Variants in USP12 observed in about 807,000 individuals in gnomAD.
The protein encoded by USP12 is ubiquitin specific peptidase 12, also known as ubiquitin carboxyl-terminal hydrolase 12.
Under a neutral mutation model 45.5 loss-of-function variants are expected in USP12, and 19 were observed. The ratio of observed to expected loss-of-function variants is 0.42; its 90% confidence interval spans 0.29 to 0.61. The LOEUF is 0.61. Among genes scored for constraint, USP12 ranks in the 20% least tolerant of loss-of-function variants. The pLI, the probability that USP12 is intolerant of heterozygous loss-of-function variation, is 0.22. For missense variants in USP12, 242 were observed against 447.7 expected, an observed-to-expected ratio of 0.54 and a Z score of 4.15; for synonymous variants, 149 against 148.8, an observed-to-expected ratio of 1.00 and a Z score of -0.01.
chr13:27,146,411 C>A (rs1458389751), intron 1 of USP12, among the ~76,000 whole-genome samples: 1 of 152,040 alleles, frequency 6.6e-6, no homozygotes, highest in African/African-American at 2.4e-5. Context: ...CAAAAAAAAG[C>A]ACCTATGTAA....
At chr13:27,103,598 CA>C (rs376135830) in intron 3 of USP12, among the ~76,000 whole-genome samples, 6,953 of 128,716 alleles carry the variant, frequency 0.054, 247 homozygotes, top group Middle Eastern at 0.07. Flanking sequence ...ATTGAACTAT[CA>C]AAAAAAAAAA....
At chr13:27,130,933 G>A (rs567772123) in intron 1 of USP12, among the ~76,000 whole-genome samples, 8 of 152,288 alleles carry the variant, frequency 5.3e-5, no homozygotes, top group South Asian at 2.1e-4. Context: ...AAGCCGTGAC[G>A]CTTAAAAACA....
rs190245732 is a variant in USP12 at position 27,126,901 on chromosome 13, C to A, written c.49-10305G>T. Among the ~76,000 whole-genome samples the A allele has an allele frequency of 2.3e-4, 35 of 152,350 alleles. 1 individual carries two copies. In the South Asian group the frequency reaches 5.2e-3, roughly 23 times the overall value. On this transcript the variant is annotated intron_variant, in intron 1 of 8. Coordinates refer to ENST00000282344, the MANE Select transcript of USP12 (RefSeq NM_182488.4). ...ATGTTCAGAACAATGCCTGGCACAA[C>A]AGGCACAAAGCAAACTTCCTTTGCC...
At chr13:27,167,686 A>G (rs1369792497) in intron 1 of USP12, among the ~76,000 whole-genome samples, 3 of 151,880 alleles carry the variant, frequency 2.0e-5, no homozygotes, top group Non-Finnish European at 4.4e-5. Flanking sequence ...TAATTTACAA[A>G]TAAATATTTT....
At chr13:27,131,308 C>T (rs1225459979) in intron 1 of USP12, among the ~76,000 whole-genome samples, 1 of 152,176 alleles carries the variant, frequency 6.6e-6, no homozygotes, top group Non-Finnish European at 1.5e-5. Flanking sequence ...TCTCAAACCA[C>T]GTGACTCTGG....
intron 3 of USP12, among the ~76,000 whole-genome samples, chr13:27,104,668 GAAT>G (rs1281852669): frequency 3.3e-5 from 5 of 152,126 alleles, no homozygotes; most frequent in African/African-American, 1.2e-4. Flanking sequence ...TCAAATTCAA[GAAT>G]AATAGCCTAT....
intron 1 of USP12, among the ~76,000 whole-genome samples, chr13:27,140,837 C>A (rs1017281466): frequency 6.6e-6 from 1 of 151,884 alleles, no homozygotes; most frequent in Non-Finnish European, 1.5e-5. Flanking sequence ...AGTCAGCTGA[C>A]AATGATTCTC....
intron 3 of USP12, among the ~76,000 whole-genome samples, chr13:27,097,889 C>T (rs960466417): frequency 1.3e-5 from 2 of 151,938 alleles, no homozygotes; most frequent in Non-Finnish European, 2.9e-5. Flanking sequence ...TTTTCATACA[C>T]ATAATGAGAT....
chr13:27,169,783 A>C (rs1878501170), intron 1 of USP12, among the ~76,000 whole-genome samples: 2 of 152,188 alleles, frequency 1.3e-5, no homozygotes, highest in African/African-American at 4.8e-5. Context: ...TCCATGAGCA[A>C]GAATGTAAAC....
chr13:27,072,932 A>G (rs1873312380), intron 7 of USP12, among the ~76,000 whole-genome samples: 2 of 152,224 alleles, frequency 1.3e-5, no homozygotes, highest in African/African-American at 4.8e-5. Context: ...ACACAATGGA[A>G]AAAGATTCTA....
chr13:27,140,008 C>T (rs1876985378), intron 1 of USP12, among the ~76,000 whole-genome samples: 1 of 152,194 alleles, frequency 6.6e-6, no homozygotes, highest in South Asian at 2.1e-4. Flanking sequence ...AAAATTAAAA[C>T]TGCACTCCCT....
intron 6 of USP12, among the ~76,000 whole-genome samples, chr13:27,081,207 C>A (rs1873743623): frequency 6.6e-6 from 1 of 152,118 alleles, no homozygotes; most frequent in African/African-American, 2.4e-5. Context: ...AGCATTTTAT[C>A]CACAGAACTT....
intron 3 of USP12, among the ~76,000 whole-genome samples, chr13:27,096,180 G>A (rs1423526067): frequency 6.6e-6 from 1 of 152,204 alleles, no homozygotes; most frequent in Non-Finnish European, 1.5e-5. Flanking sequence ...CTTTAAAGCA[G>A]AAGTTGGACA....
intron 1 of USP12, among the ~76,000 whole-genome samples, chr13:27,130,312 C>T (rs1565998323): frequency 6.6e-6 from 1 of 152,078 alleles, no homozygotes; most frequent in Non-Finnish European, 1.5e-5. Context: ...GGGATCCAGA[C>T]ATTATACTAA....
chr13:27,115,350 T>G (rs1462530332), intron 2 of USP12, among the ~76,000 whole-genome samples: 1 of 152,116 alleles, frequency 6.6e-6, no homozygotes. Context: ...GGAGTGCTGA[T>G]TCTTTGTTAT....
chr13:27,095,829 C>T lies in USP12; in HGVS notation c.345G>A (p.Glu115=). Residue 115 remains glutamate (E), a splice_region_variant and synonymous_variant, in exon 4 of 9, where the codon GAG becomes GAA. Transcript: ENST00000282344. The part of the protein sequence containing the change: ...KFITRLRKEN[E]LFDNYMQQDA... ...CTTGTTGCATGTAGTTGTCAAAAAG[C>T]TCTGAAAATAAAAACATTATATTAG... 6.3e-7 allele frequency: 1 copy of T among 1,578,284 alleles called. No homozygotes were observed. Among genetic ancestry groups the T allele is most frequent in the Admixed American group, 1.9e-5 (1 of 51,902 alleles).
At chr13:27,087,184 A>G (rs1027800034) in intron 6 of USP12, among the ~76,000 whole-genome samples, 2 of 150,956 alleles carry the variant, frequency 1.3e-5, no homozygotes, top group African/African-American at 4.9e-5. Context: ...GGGGGCAGGA[A>G]GGCAGAGAGA....
At chr13:27,086,195 A>ATATATATATATAT (rs1326329926) in intron 6 of USP12, among the ~76,000 whole-genome samples, 11 of 61,988 alleles carry the variant, frequency 1.8e-4, no homozygotes, top group Admixed American at 4.6e-4. Flanking sequence ...AAAAAAAAAA[A>ATATATATATATAT]AAATATATAT....
intron 2 of USP12, among the ~76,000 whole-genome samples, chr13:27,113,473 A>T (rs141784939): frequency 1.4e-3 from 215 of 152,242 alleles, no homozygotes; most frequent in Middle Eastern, 3.4e-3. Flanking sequence ...ATTTTAGAAC[A>T]TTGTATTTCC....
Sources: gnomAD v4.1 joint callset for allele counts (sites outside exome capture counted in the v4.1 genomes callset) on GRCh38, gnomAD v4.1.1 for gene constraint, MANE v1.5 for transcripts, NCBI Gene and HGNC (gene_info 2026-07-23, HGNC 2026-07-21) for gene names.